Variants in ZFP64 observed in about 807,000 individuals in gnomAD.
ZFP64 encodes ZFP64 zinc finger protein.
Under a neutral mutation model 51.6 loss-of-function variants are expected in ZFP64, and 14 were observed. The ratio of observed to expected loss-of-function variants is 0.27; its 90% CI spans 0.18 to 0.42. The LOEUF (loss-of-function observed/expected upper bound fraction) is 0.42, where lower values mean the gene tolerates loss of function less well. Among genes scored for constraint, ZFP64 ranks in the 10% least tolerant of loss-of-function variants. The pLI, the probability that ZFP64 is intolerant of heterozygous loss-of-function variation, is 1.00. For missense variants in ZFP64, 754 were observed against 906.8 expected (o/e 0.83, Z 2.16); for synonymous variants, 375 against 361.4 (o/e 1.04, Z -0.43).
chr20:52,094,711 T>G (rs1243157484), intron 7 of ZFP64, among the ~76,000 whole-genome samples: 1 of 152,036 alleles, frequency 6.6e-6, no homozygotes, highest in Non-Finnish European at 1.5e-5. Flanking sequence ...CCAGCCTGGG[T>G]GACAGAGCAA....
intron 5 of ZFP64, among the ~76,000 whole-genome samples, chr20:52,111,313 T>C (rs140980517): frequency 0.21 from 31,175 of 149,132 alleles, 3,594 homozygotes; most frequent in Admixed American, 0.28. Context: ...AGCTCCCGGG[T>C]TCAAGTGATT....
intron 7 of ZFP64, among the ~76,000 whole-genome samples, chr20:52,091,851 G>T (rs139498959): frequency 8.9e-6 from 1 of 112,278 alleles, no homozygotes; most frequent in African/African-American, 2.7e-5. Context: ...TTAGCTAGAC[G>T]TGGTGGCACA....
At chr20:52,109,226 C>A (rs911706670) in intron 5 of ZFP64, among the ~76,000 whole-genome samples, 1 of 151,902 alleles carries the variant, frequency 6.6e-6, no homozygotes, top group Admixed American at 6.6e-5. Context: ...TCTTGGCTCA[C>A]GATCTTGGCT....
chr20:52,116,238 C>T (rs1037211379), intron 5 of ZFP64, among the ~76,000 whole-genome samples: 2 of 151,528 alleles, frequency 1.3e-5, no homozygotes, highest in Non-Finnish European at 2.9e-5. Context: ...CAGGTTCCAG[C>T]GATTCTCCTG....
chr20:52,088,457 C>T, exon 8 of ZFP64: 4 of 1,614,184 alleles, frequency 2.5e-6, no homozygotes, highest in Non-Finnish European at 3.4e-6. Context: ...GCAGAGCTGG[C>T]ATTTGTACGG....
intron 5 of ZFP64, chr20:52,110,246 C>T: frequency 3.5e-6 from 1 of 285,682 alleles, no homozygotes; most frequent in Non-Finnish European, 6.4e-6. Flanking sequence ...TACCACTTTT[C>T]CCACCAACCC....
chr20:52,098,290 C>T lies in ZFP64; in HGVS notation c.913+148G>A, dbSNP rs1014814182. 6 of 1,123,642 alleles carry T rather than the reference C, an allele frequency of 5.3e-6. No homozygotes were observed. The African/African-American group carries it at 9.4e-5, about 18-fold the overall frequency. The allele number at this position is 1,123,642 out of a possible 1,614,324, so 69.6% of individuals were successfully genotyped here. On this transcript the variant is annotated intron_variant, in intron 6 of 8. Transcript: ENST00000361387. ...GGATGCTACAGGCCTCTTAGGCCCC[C>T]CAGGGAAGGCTGTTGTGTGCTGATG...
chr20:52,088,367 T>C, intron 8 of ZFP64: 1 of 1,609,572 alleles, frequency 6.2e-7, no homozygotes, highest in Non-Finnish European at 8.5e-7. Flanking sequence ...AGTAAGGGAT[T>C]GAGGTTTCCT....
chr20:52,131,386 T>C (rs988450353), intron 5 of ZFP64, among the ~76,000 whole-genome samples: 3 of 151,904 alleles, frequency 2.0e-5, no homozygotes, highest in Admixed American at 1.3e-4. Context: ...TAATATAACA[T>C]TGAATGTAAA....
At chr20:52,141,130 A>G (rs1005872389) in intron 5 of ZFP64, among the ~76,000 whole-genome samples, 1 of 152,206 alleles carries the variant, frequency 6.6e-6, no homozygotes, top group Non-Finnish European at 1.5e-5. Context: ...CTTATTGACA[A>G]TACATCTGGT....
intron 5 of ZFP64, among the ~76,000 whole-genome samples, chr20:52,143,445 T>A (rs1980371852): frequency 7.0e-6 from 1 of 143,448 alleles, no homozygotes; most frequent in Non-Finnish European, 1.6e-5. Flanking sequence ...GCAATAAAGA[T>A]TACAGGATAT....
intron 2 of ZFP64, chr20:52,176,004 C>T (rs1019221279): frequency 3.4e-5 from 33 of 984,440 alleles, no homozygotes; most frequent in Non-Finnish European, 4.0e-5. Context: ...GTGAGTGGCG[C>T]TGCCCTGTTG....
At chr20:52,175,660 C>A (rs1363422902) in intron 2 of ZFP64, among the ~76,000 whole-genome samples, 1 of 152,072 alleles carries the variant, frequency 6.6e-6, no homozygotes, top group Non-Finnish European at 1.5e-5. Context: ...GCCTGGCCAA[C>A]ATGGTGAAAC....
At chr20:52,105,477 TTA>T in intron 5 of ZFP64, 1 of 674,358 alleles carries the variant, frequency 1.5e-6, no homozygotes, top group Admixed American at 4.5e-5. Flanking sequence ...TGGGAGCTCG[TTA>T]GAAATGCAGA....
chr20:52,144,221 A>G lies in ZFP64; in HGVS notation c.763+15902T>C, dbSNP rs1259398643. 1.4e-5 allele frequency among the ~76,000 whole-genome samples: 2 copies of G among 143,242 alleles called. 1 individual carries two copies. Among genetic ancestry groups the G allele is most frequent in the Non-Finnish European group, 3.1e-5 (2 of 64,428 alleles). 94.0% of individuals were successfully genotyped at this position (143,242 alleles called of 152,430 possible). On this transcript the variant is annotated intron_variant, in intron 5 of 8. Coordinates refer to the ZFP64 transcript ENST00000361387. The stretch of plus-strand genomic sequence containing the variant: ...TGTTTTTATTACTAAAGACTAAGTG[A>G]ACTTAATACATGAAATTAGAATAAC...
At chr20:52,179,395 A>G (rs1983461130) in intron 2 of ZFP64, among the ~76,000 whole-genome samples, 1 of 152,192 alleles carries the variant, frequency 6.6e-6, no homozygotes, top group African/African-American at 2.4e-5. Flanking sequence ...CATACACACC[A>G]TGTGCTTCAG....
chr20:52,164,954 A>C (rs1242454770), intron 3 of ZFP64, 197 bp from the exon 4 acceptor site: 1 of 686,214 alleles, frequency 1.5e-6, no homozygotes, highest in South Asian at 1.5e-5. Flanking sequence ...AAACTGCATA[A>C]CCTGAATCTG....
At chr20:52,127,600 G>A (rs549858331) in intron 5 of ZFP64, among the ~76,000 whole-genome samples, 1 of 152,222 alleles carries the variant, frequency 6.6e-6, no homozygotes, top group East Asian at 1.9e-4. Flanking sequence ...GGCCTCCCCA[G>A]CCATGCTGAA....
Position 52,085,576 on chromosome 20 carries a change from C to T in ZFP64, c.1229-310G>A, listed in dbSNP as rs2078855867. On this transcript the variant is annotated intron_variant, in intron 8 of 8. Transcript: ENST00000361387. The surrounding 1 kb of genome is among the most constrained non-coding windows in gnomAD (Gnocchi z 4.3). ...CACTCAAGTCCATACTCTTGATGACCCCTTCAGTTTCAAATCTAAACTCCC... is the reference window on the plus strand; with the variant it reads ...CACTCAAGTCCATACTCTTGATGACTCCTTCAGTTTCAAATCTAAACTCCC... Among the ~76,000 whole-genome samples, 1 of 152,082 alleles carries T rather than the reference C, an allele frequency of 6.6e-6. No homozygotes were observed. Among genetic ancestry groups the T allele is most frequent in the Admixed American group, 6.5e-5 (1 of 15,274 alleles).
Sources: gnomAD v4.1 joint callset for allele counts (sites outside exome capture counted in the v4.1 genomes callset) on GRCh38, gnomAD v4.1.1 for gene constraint, Gnocchi (gnomAD v3.1) non-coding constraint, MANE v1.5 for transcripts, NCBI Gene and HGNC (gene_info 2026-07-23, HGNC 2026-07-21) for gene names.